Variants in MGAM2 observed in about 807,000 individuals in gnomAD.
MGAM2 encodes the protein probable maltase-glucoamylase 2.
A neutral mutation model predicts 96.1 loss-of-function variants in MGAM2; 98 were observed. That is an observed-to-expected ratio of 1.02 (90% CI 0.87 to 1.21). The LOEUF is 1.21. MGAM2 is among the 50% of genes most tolerant of loss of function. The pLI is 0.00. For missense variants in MGAM2, 2,055 were observed against 1,182.4 expected (o/e 1.74, Z -10.82); for synonymous variants, 749 against 414.8 (o/e 1.81, Z -9.79).
At chr7:142,125,645 G>T (rs76317864) in intron 3 of MGAM2, among the ~76,000 whole-genome samples, 2,282 of 152,184 alleles carry the variant, frequency 0.015, 61 homozygotes, top group African/African-American at 0.052. Context: ...TATTTAAAAA[G>T]ATTGTATGGT....
chr7:142,166,469 A>C (rs1461513377), intron 25 of MGAM2, among the ~76,000 whole-genome samples: 1 of 152,036 alleles, frequency 6.6e-6, no homozygotes. Flanking sequence ...ATCATTAAAA[A>C]CCCAATTTTA....
intron 15 of MGAM2, among the ~76,000 whole-genome samples, chr7:142,152,992 C>CTTT (rs10559271): frequency 1.7e-5 from 2 of 117,120 alleles, no homozygotes; most frequent in Admixed American, 9.0e-5. Context: ...GCTTTTATTC[C>CTTT]TTTTTTTTTT....
At chr7:142,182,636 C>T (rs1796577793) in intron 32 of MGAM2, among the ~76,000 whole-genome samples, 1 of 152,192 alleles carries the variant, frequency 6.6e-6, no homozygotes, top group Non-Finnish European at 1.5e-5. Flanking sequence ...TTTGTGGGGT[C>T]TGTTGTAGCT....
At chr7:142,192,356 A>T (rs1213350136) in intron 37 of MGAM2, among the ~76,000 whole-genome samples, 1 of 152,316 alleles carries the variant, frequency 6.6e-6, no homozygotes, top group African/African-American at 2.4e-5. Flanking sequence ...CCATGTCATT[A>T]TATGAAATAC....
chr7:142,180,569 A>G (rs982117632), intron 32 of MGAM2, among the ~76,000 whole-genome samples: 1 of 152,168 alleles, frequency 6.6e-6, no homozygotes, highest in African/African-American at 2.4e-5. Context: ...TCTTAAATTC[A>G]CATGTTGAAC....
At chr7:142,123,194 C>T (rs1203681824) in intron 3 of MGAM2, among the ~76,000 whole-genome samples, 1 of 151,376 alleles carries the variant, frequency 6.6e-6, no homozygotes, top group African/African-American at 2.4e-5. Flanking sequence ...CTGTATCCAC[C>T]CTACTCTTGA....
intron 45 of MGAM2, among the ~76,000 whole-genome samples, chr7:142,204,817 G>A (rs942222037): frequency 1.3e-5 from 2 of 151,938 alleles, no homozygotes; most frequent in Non-Finnish European, 2.9e-5. Context: ...AAGTTAGTGT[G>A]GTTAATAAGA....
Position 142,220,775 on chromosome 7 carries a change from T to G in MGAM2, c.6264T>G (p.Ser2088Arg). ...ATACCACTATGCCTTCTCCTACAAG[T>G]AGTACTACTGTGAGTACTATTGCTA... ...VPNTTMPSPTSSTTVSTIATV... is the reference protein window; with the variant it reads ...VPNTTMPSPTRSTTVSTIATV... The change falls in exon 48 of 48, where the codon AGT (serine) becomes AGG (arginine). Residue 2088 changes from serine to arginine, a missense_variant. Ser to Arg is a moderately radical substitution (Grantham distance 110). Transcript: ENST00000477922. 1.4e-6 allele frequency: 1 copy of G among 702,218 alleles called. No homozygotes were observed. Among genetic ancestry groups the G allele is most frequent in the Non-Finnish European group, 2.6e-6 (1 of 384,796 alleles). The allele number at this position is 702,218 out of a possible 1,614,324, so 43.5% of individuals were successfully genotyped here. A position where few individuals can be genotyped will look rare whatever the true frequency, so the allele number is the denominator to read the frequency against.
intron 3 of MGAM2, among the ~76,000 whole-genome samples, chr7:142,127,635 A>C (rs1436858420): frequency 3.9e-5 from 6 of 152,068 alleles, no homozygotes; most frequent in Non-Finnish European, 8.8e-5. Flanking sequence ...ACTTTCCCCC[A>C]TACTGTTCTT....
intron 32 of MGAM2, among the ~76,000 whole-genome samples, chr7:142,178,727 C>T (rs530506408): frequency 2.0e-5 from 3 of 152,180 alleles, no homozygotes; most frequent in South Asian, 4.1e-4. Flanking sequence ...GTTCTTCTTG[C>T]TTAGAATTGC....
At position 142,161,139 on chromosome 7, in the gene MGAM2, T is replaced by G. The variant is rs1563267687; in HGVS notation, c.2360T>G (p.Leu787Arg). 9 of 702,690 alleles carry G rather than the reference T, an allele frequency of 1.3e-5. No homozygotes were observed. The highest frequency in any genetic ancestry group is 1.3e-5 in the Non-Finnish European group (5 of 384,750). The allele number at this position is 702,690 out of a possible 1,614,324, so 43.5% of individuals were successfully genotyped here. Residue 787 changes from leucine (L) to arginine (R), a missense_variant, in exon 22 of 48, where the codon CTG becomes CGG. Leu to Arg is a moderately radical substitution (Grantham distance 102). Transcript: ENST00000477922. ...CTCTTTTACAGCCGGAGGAATTCCCTGGGACTCATCATCGCCTTGGACTAT... is the reference window on the plus strand; with the variant it reads ...CTCTTTTACAGCCGGAGGAATTCCCGGGGACTCATCATCGCCTTGGACTAT... ...TTTEASRRNS[L>R]GLIIALDYKR...
At chr7:142,116,783 CA>C in intron 1 of MGAM2, 90 bp from the exon 2 acceptor site, 1 of 679,624 alleles carries the variant, frequency 1.5e-6, no homozygotes, top group South Asian at 1.5e-5. Flanking sequence ...ATCTTGCAAA[CA>C]ATTCCACATT....
chr7:142,219,949 T>C lies in MGAM2; in HGVS notation c.5438T>C (p.Val1813Ala), dbSNP rs1303222226. 1 of 702,880 alleles carries C rather than the reference T, an allele frequency of 1.4e-6. No homozygotes were observed. Among genetic ancestry groups the C allele is most frequent in the East Asian group, 2.7e-5 (1 of 37,290 alleles). The allele number at this position is 702,880 out of a possible 1,614,324, so 43.5% of individuals were successfully genotyped here. ...TEVTWIDGGPVLPTPTKTSTI... is the reference protein window; with the variant it reads ...TEVTWIDGGPALPTPTKTSTI... ...GTTACTTGGATTGATGGTGGTCCTG[T>C]ACTTCCTACTCCAACTAAGACAAGT... Residue 1813 changes from valine (V) to alanine (A), a missense_variant, in exon 48 of 48, where the codon GTA becomes GCA. Coordinates refer to ENST00000477922, the MANE Select transcript of MGAM2 (RefSeq NM_001293626.2).
chr7:142,123,843 G>A (rs960715748), intron 3 of MGAM2, among the ~76,000 whole-genome samples: 2 of 151,598 alleles, frequency 1.3e-5, no homozygotes, highest in Non-Finnish European at 2.9e-5. Context: ...CCTACTCCGA[G>A]GTCAGAAAAA....
In MGAM2 at chr7:142,220,392, A is replaced by G. The variant is rs970905253; in HGVS notation, c.5881A>G (p.Thr1961Ala). 6 of 702,500 alleles carry G rather than the reference A, an allele frequency of 8.5e-6. No homozygotes were observed. The highest frequency in any genetic ancestry group is 4.0e-5 in the Admixed American group (2 of 49,932). The allele number at this position is 702,500 out of a possible 1,614,324, so 43.5% of individuals were successfully genotyped here. A position where few individuals can be genotyped will look rare whatever the true frequency, so the allele number is the denominator to read the frequency against. ...AACTAATGCTACTGTTCCCGATACA[A>G]CTGCCCCTTTCCCAACAAATACTAC... ...VTTNATVPDTTAPFPTNTTTA... is the reference protein window; with the variant it reads ...VTTNATVPDTAAPFPTNTTTA... Residue 1961 changes from threonine to alanine, a missense_variant, in exon 48 of 48, where the codon ACT (threonine) becomes GCT (alanine). Coordinates refer to ENST00000477922, the MANE Select transcript of MGAM2 (RefSeq NM_001293626.2).
Position 142,140,828 on chromosome 7 carries a change from C to T in MGAM2, c.1113C>T (p.Tyr371=), listed in dbSNP as rs1485085034. ...PYDVQYSDID[Y]MDGKKDFTVD... ...ATGTCCAGTACTCTGACATAGACTA[C>T]ATGGATGGAAAGAAGGATTTCACTG... The change falls in exon 11 of 48, where the codon TAC becomes TAT. Residue 371 remains tyrosine (Y), a synonymous_variant. Coordinates refer to ENST00000477922, the MANE Select transcript of MGAM2 (RefSeq NM_001293626.2). 4.3e-6 allele frequency: 3 copies of T among 702,850 alleles called. No homozygotes were observed. The highest frequency in any genetic ancestry group is 7.8e-6 in the Non-Finnish European group (3 of 384,958). The allele number at this position is 702,850 out of a possible 1,614,324, so 43.5% of individuals were successfully genotyped here.
chr7:142,192,233 C>T (rs916579537), intron 37 of MGAM2, among the ~76,000 whole-genome samples: 1 of 152,162 alleles, frequency 6.6e-6, no homozygotes, highest in Non-Finnish European at 1.5e-5. Flanking sequence ...TTCTTCTTCC[C>T]TTTCCCACTT....
chr7:142,124,787 GCTA>G (rs2129075358), intron 3 of MGAM2, among the ~76,000 whole-genome samples: 1 of 152,024 alleles, frequency 6.6e-6, no homozygotes, highest in African/African-American at 2.4e-5. Flanking sequence ...ACATGGTTTT[GCTA>G]CTTTTTTCCT....
intron 6 of MGAM2, 50 bp from the exon 7 acceptor site, chr7:142,133,931 A>G: frequency 1.5e-6 from 1 of 652,564 alleles, no homozygotes; most frequent in South Asian, 1.7e-5. Context: ...TTCCTGGCAG[A>G]GGAAAGAGTG....
Sources: allele counts gnomAD v4.1 joint callset (sites outside exome capture counted in the v4.1 genomes callset), GRCh38; gene constraint gnomAD v4.1.1; transcripts MANE v1.5; gene names NCBI Gene and HGNC (gene_info 2026-07-23, HGNC 2026-07-21).